DOCK5: variants seen among roughly 807,000 people sequenced by gnomAD.
DOCK5 encodes the protein dedicator of cytokinesis protein 5.
DOCK5 carries 142 observed loss-of-function variants against 251.8 expected under a neutral mutation model. The observed-to-expected ratio is 0.56, with a 90% CI of 0.49 to 0.65. DOCK5 has a LOEUF of 0.65. Among genes scored for constraint, DOCK5 ranks in the 30% least tolerant of loss-of-function variants. The pLI, the probability that DOCK5 is intolerant of heterozygous loss-of-function variation, is 0.00. For missense variants in DOCK5, 2,111 were observed against 2,312.3 expected, an observed-to-expected ratio of 0.91 and a Z score of 1.79; for synonymous variants, 842 against 835.5, an observed-to-expected ratio of 1.01 and a Z score of -0.13.
intron 46 of DOCK5, 96 bp from the exon 47 acceptor site, chr8:25,400,833 G>A: frequency 7.1e-7 from 1 of 1,409,732 alleles, no homozygotes; most frequent in Non-Finnish European, 9.8e-7. Context: ...ATGTCTAGCA[G>A]TTTACCTTTC....
intron 45 of DOCK5, among the ~76,000 whole-genome samples, chr8:25,398,895 C>T (rs915216773): frequency 6.6e-6 from 1 of 152,162 alleles, no homozygotes; most frequent in Non-Finnish European, 1.5e-5. Context: ...CATAATTCAA[C>T]CCATAATGTC....
chr8:25,382,539 T>A, intron 39 of DOCK5, 135 bp from the exon 40 acceptor site: 1 of 688,896 alleles, frequency 1.5e-6, no homozygotes, highest in South Asian at 1.8e-5. Context: ...AACCCTTTTC[T>A]GCCCATAGGG....
intron 26 of DOCK5, among the ~76,000 whole-genome samples, chr8:25,347,674 G>A: frequency 6.6e-6 from 1 of 152,156 alleles, no homozygotes; most frequent in East Asian, 1.9e-4. Flanking sequence ...GAAATCATAT[G>A]TTTATGATCC....
At chr8:25,354,904 G>A (rs1472494015) in intron 27 of DOCK5, among the ~76,000 whole-genome samples, 2 of 152,086 alleles carry the variant, frequency 1.3e-5, no homozygotes, top group Non-Finnish European at 2.9e-5. Flanking sequence ...GAAATCACCA[G>A]GCATCATGAT....
chr8:25,318,249 G>A (rs991528754), intron 14 of DOCK5, among the ~76,000 whole-genome samples: 8 of 56,346 alleles, frequency 1.4e-4, no homozygotes, highest in African/African-American at 3.7e-4. Context: ...CACCATGCTC[G>A]ACTGATTTTT....
At chr8:25,215,797 A>G (rs988208460) in intron 1 of DOCK5, among the ~76,000 whole-genome samples, 5 of 152,110 alleles carry the variant, frequency 3.3e-5, no homozygotes, top group African/African-American at 1.2e-4. Context: ...TAATAACAGA[A>G]AGTGATAGCT....
At chr8:25,377,681 A>G (rs1388952676) in intron 38 of DOCK5, among the ~76,000 whole-genome samples, 9 of 152,294 alleles carry the variant, frequency 5.9e-5, no homozygotes, top group Admixed American at 2.6e-4. Flanking sequence ...AGAACAACCA[A>G]TAGTACACAG....
intron 1 of DOCK5, among the ~76,000 whole-genome samples, chr8:25,238,932 C>T (rs1384706090): frequency 3.3e-5 from 5 of 152,150 alleles, no homozygotes; most frequent in Non-Finnish European, 7.3e-5. Flanking sequence ...GGATTTCCTT[C>T]TAATTGATGG....
rs1563309199 is a variant in DOCK5, at chr8:25,210,047, T to TATATATAA, written c.43+25096_43+25097insATATATAA. 8.0e-4 allele frequency among the ~76,000 whole-genome samples: 20 copies of TATATATAA among 25,114 alleles called. 2 individuals carry two copies. Among genetic ancestry groups the TATATATAA allele is most frequent in the African/African-American group, 2.7e-3 (19 of 6,940 alleles). The allele number at this position is 25,114 out of a possible 152,430, so 16.5% of individuals were successfully genotyped here. Reference sequence around the variant, plus strand: ...ATATATATATATAAATGTGTGTGTGTGTGTGTGTGTGTGTGTGTGTGTATC... The same window carrying TATATATAA: ...ATATATATATATAAATGTGTGTGTGTATATATAAGTGTGTGTGTGTGTGTGTGTGTATC... On this transcript the variant is annotated intron_variant, in intron 1 of 51. Coordinates refer to ENST00000276440, the MANE Select transcript of DOCK5 (RefSeq NM_024940.8).
chr8:25,378,539 G>A (rs777515670), intron 38 of DOCK5, among the ~76,000 whole-genome samples: 1 of 152,198 alleles, frequency 6.6e-6, no homozygotes, highest in Non-Finnish European at 1.5e-5. Context: ...ATGGAACATA[G>A]CACCTTGTGA....
At chr8:25,351,637 A>G (rs964920469) in intron 26 of DOCK5, 94 bp from the exon 27 acceptor site, 15 of 913,978 alleles carry the variant, frequency 1.6e-5, no homozygotes, top group Non-Finnish European at 2.5e-5. Context: ...AAAGCCAAAA[A>G]GAGATCTAAA....
At position 25,322,666 on chromosome 8, in the gene DOCK5, A is replaced by T. The variant is rs553499138; in HGVS notation, c.1616-1182A>T. Among the ~76,000 whole-genome samples the T allele has an allele frequency of 4.6e-5, 7 of 152,356 alleles. No individual in the cohort carries two copies. The South Asian group carries it at 1.5e-3, about 32-fold the overall frequency. On this transcript the variant is annotated intron_variant, in intron 16 of 51. Coordinates refer to ENST00000276440, the MANE Select transcript of DOCK5 (RefSeq NM_024940.8). The stretch of plus-strand genomic sequence containing the variant: ...CCTGTTTAGTATCCACAATAATATA[A>T]CAAGGTACATTCTACTTTTATCTAC...
chr8:25,393,792 C>T (rs1448620623), intron 44 of DOCK5, among the ~76,000 whole-genome samples: 2 of 152,148 alleles, frequency 1.3e-5, no homozygotes, highest in African/African-American at 2.4e-5. Context: ...CCTGAGACCC[C>T]GCTAACACCA....
intron 1 of DOCK5, among the ~76,000 whole-genome samples, chr8:25,206,299 A>AT (rs1037545496): frequency 9.2e-5 from 14 of 151,960 alleles, no homozygotes; most frequent in African/African-American, 2.9e-4. Flanking sequence ...GTTTACCTTG[A>AT]TTTTTTTTCT....
At chr8:25,271,408 G>A (rs1803908079) in intron 3 of DOCK5, among the ~76,000 whole-genome samples, 1 of 152,166 alleles carries the variant, frequency 6.6e-6, no homozygotes, top group South Asian at 2.1e-4. Context: ...ATCAAATTCA[G>A]TTGCCATGAA....
At chr8:25,265,928 C>T (rs746305694) in intron 2 of DOCK5, among the ~76,000 whole-genome samples, 1 of 151,844 alleles carries the variant, frequency 6.6e-6, no homozygotes, top group African/African-American at 2.4e-5. Context: ...GATTTTTATT[C>T]TGGATTAGAG....
At chr8:25,358,813 T>C in intron 27 of DOCK5, 150 bp from the exon 28 acceptor site, 1 of 677,976 alleles carries the variant, frequency 1.5e-6, no homozygotes, top group Admixed American at 2.5e-5. Flanking sequence ...ACGTGGCCTT[T>C]GGACCTTTAG....
At chr8:25,198,084 C>T (rs1460899313) in intron 1 of DOCK5, among the ~76,000 whole-genome samples, 1 of 152,184 alleles carries the variant, frequency 6.6e-6, no homozygotes, top group Non-Finnish European at 1.5e-5. Flanking sequence ...GGAAGGAAAA[C>T]ACAGTGGAGA....
At chr8:25,242,499 A>G (rs184030809) in intron 1 of DOCK5, among the ~76,000 whole-genome samples, 6 of 152,092 alleles carry the variant, frequency 3.9e-5, no homozygotes, top group Non-Finnish European at 2.9e-5. Context: ...TTTTTTCTTT[A>G]TCATAGCCAT....
Sources: allele counts gnomAD v4.1 joint callset (sites outside exome capture counted in the v4.1 genomes callset), GRCh38; gene constraint gnomAD v4.1.1; transcripts MANE v1.5; gene names NCBI Gene and HGNC (gene_info 2026-07-23, HGNC 2026-07-21).